The following AKAP6 variants were observed in gnomAD, a reference collection of about 807,000 sequenced individuals.
The protein encoded by AKAP6 is A-kinase anchor protein 6.
Under a neutral mutation model 188.5 loss-of-function variants are expected in AKAP6, and 58 were observed. The ratio of observed to expected loss-of-function variants is 0.31; its 90% confidence interval spans 0.25 to 0.38. The LOEUF is 0.38. AKAP6 is among the 10% of genes least tolerant of loss of function. The pLI, the probability that AKAP6 is intolerant of heterozygous loss-of-function variation, is 1.00. For synonymous variants in AKAP6, 989 were observed against 998.6 expected (o/e 0.99, Z 0.18); for missense variants, 2,710 against 2,740.0 (o/e 0.99, Z 0.24).
At position 32,345,253 on chromosome 14, in the gene AKAP6, A is replaced by G. The variant is rs1007023802; in HGVS notation, c.-35+15845A>G. On this transcript the variant is annotated intron_variant, in intron 1 of 13. Transcript: ENST00000280979. ...AGTTCACACAGTCTATCACATACAC[A>G]GGTGTTAAAATGCTGTATCTAGTTA... Among the ~76,000 whole-genome samples, 44 of 152,204 alleles carry G rather than the reference A, an allele frequency of 2.9e-4. 1 individual carries two copies. Among genetic ancestry groups the G allele is most frequent in the African/African-American group, 1.0e-3 (43 of 41,442 alleles).
intron 2 of AKAP6, among the ~76,000 whole-genome samples, chr14:32,497,424 C>T (rs1880374546): frequency 6.6e-6 from 1 of 151,862 alleles, no homozygotes; most frequent in Non-Finnish European, 1.5e-5. Flanking sequence ...GGGGATTTTC[C>T]AAAAGTCTTT....
intron 5 of AKAP6, among the ~76,000 whole-genome samples, chr14:32,583,443 A>C (rs1482477865): frequency 6.6e-6 from 1 of 152,210 alleles, no homozygotes; most frequent in African/African-American, 2.4e-5. Context: ...GTCAGGGGTC[A>C]GGGACCCATT....
intron 11 of AKAP6, among the ~76,000 whole-genome samples, chr14:32,738,900 A>G (rs917974574): frequency 6.6e-6 from 1 of 152,170 alleles, no homozygotes; most frequent in Non-Finnish European, 1.5e-5. Flanking sequence ...GCTGTGTTCA[A>G]TAAAACTAAT....
chr14:32,821,996 A>G lies in AKAP6; in HGVS notation c.4183A>G (p.Thr1395Ala), dbSNP rs375449015. 4 of 1,613,826 alleles carry G rather than the reference A, an allele frequency of 2.5e-6. No homozygotes were observed. The African/African-American group carries it at 5.3e-5, about 22-fold the overall frequency. ...AVDGSPSNLETEHLDPQMGDA... is the reference protein window; with the variant it reads ...AVDGSPSNLEAEHLDPQMGDA... ...GGATGGGTCCCCAAGTAACCTTGAA[A>G]CTGAACATCTGGACCCACAAATGGG... is the stretch of plus-strand genomic sequence containing the variant. Residue 1395 changes from threonine to alanine, a missense_variant, in exon 13 of 14, where the codon ACT becomes GCT. By Grantham distance (58) the Thr-to-Ala change is moderately conservative. Around this residue, in one of 2 missense-constraint regions of AKAP6, gnomAD observed 2,473 missense variants for 2,426.1 expected, o/e 1.02. Coordinates refer to ENST00000280979, the MANE Select transcript of AKAP6 (RefSeq NM_004274.5).
chr14:32,440,383 G>A (rs1780069758), intron 2 of AKAP6, among the ~76,000 whole-genome samples: 1 of 151,856 alleles, frequency 6.6e-6, no homozygotes, highest in African/African-American at 2.4e-5. Context: ...TAGTGTAAAT[G>A]ACCAGTTAAC....
intron 1 of AKAP6, among the ~76,000 whole-genome samples, chr14:32,347,804 T>C (rs1360395272): frequency 6.6e-6 from 1 of 152,210 alleles, no homozygotes; most frequent in Non-Finnish European, 1.5e-5. Flanking sequence ...TTAATAGTAA[T>C]AGTCCAACGT....
At chr14:32,676,189 G>A (rs1889417596) in intron 7 of AKAP6, among the ~76,000 whole-genome samples, 1 of 152,136 alleles carries the variant, frequency 6.6e-6, no homozygotes, top group Admixed American at 6.5e-5. Context: ...TGGAAGTAAA[G>A]GGGTGGCATT....
intron 1 of AKAP6, among the ~76,000 whole-genome samples, chr14:32,361,239 G>A (rs1887653713): frequency 6.6e-6 from 1 of 151,772 alleles, no homozygotes; most frequent in South Asian, 2.1e-4. Context: ...CAGAGAGAAG[G>A]CAACATTTGA....
chr14:32,823,851 G>C lies in AKAP6; in HGVS notation c.6038G>C (p.Gly2013Ala). Residue 2013 changes from glycine (G) to alanine (A), a missense_variant, in exon 13 of 14, where the codon GGA becomes GCA. Transcript: ENST00000280979. ...KSSDDAPSMA[G>A]KSAGCCLALE... ...TCTGATGATGCACCGAGTATGGCTG[G>C]AAAATCTGCTGGTTGTTGCCTAGCA... is the stretch of plus-strand genomic sequence containing the variant. The C allele has an allele frequency of 6.2e-7, 1 of 1,613,618 alleles. No individual in the cohort carries two copies. Among genetic ancestry groups the C allele is most frequent in the Middle Eastern group, 1.7e-4 (1 of 6,060 alleles).
At chr14:32,432,659 C>T (rs1373405136) in intron 1 of AKAP6, among the ~76,000 whole-genome samples, 1 of 152,220 alleles carries the variant, frequency 6.6e-6, no homozygotes, top group African/African-American at 2.4e-5. Flanking sequence ...GGAGCAACAT[C>T]TCCTGAATTC....
At chr14:32,595,261 A>T (rs1005424020) in intron 5 of AKAP6, among the ~76,000 whole-genome samples, 1 of 151,870 alleles carries the variant, frequency 6.6e-6, no homozygotes, top group South Asian at 2.1e-4. Flanking sequence ...TGACTCTTTC[A>T]TGGTTCTTGG....
intron 2 of AKAP6, among the ~76,000 whole-genome samples, chr14:32,478,423 T>C (rs1879179340): frequency 6.6e-6 from 1 of 151,632 alleles, no homozygotes; most frequent in African/African-American, 2.4e-5. Flanking sequence ...CCAACTGGAG[T>C]CAAGATGTGA....
chr14:32,448,912 G>A (rs569217097), intron 2 of AKAP6, among the ~76,000 whole-genome samples: 2 of 152,132 alleles, frequency 1.3e-5, no homozygotes, highest in East Asian at 3.9e-4. Context: ...GGAGATATTA[G>A]CAATGCATAC....
At position 32,506,912 on chromosome 14, in the gene AKAP6, C is replaced by T. The variant is rs191734869; in HGVS notation, c.325-28642C>T. On this transcript the variant is annotated intron_variant, in intron 2 of 13. Coordinates refer to ENST00000280979, the MANE Select transcript of AKAP6 (RefSeq NM_004274.5). ...GCATGTATAATTATACACATTCATA[C>T]ACACATATACACACACACTTCTTAG... 5.8e-4 allele frequency among the ~76,000 whole-genome samples: 88 copies of T among 152,262 alleles called. 1 individual carries two copies. The East Asian group carries it at 0.014, about 23-fold the overall frequency.
At chr14:32,550,667 A>G (rs1883418778) in intron 4 of AKAP6, among the ~76,000 whole-genome samples, 1 of 152,246 alleles carries the variant, frequency 6.6e-6, no homozygotes, top group African/African-American at 2.4e-5. Context: ...AGTGACCCAG[A>G]GAACCCATTC....
intron 1 of AKAP6, among the ~76,000 whole-genome samples, chr14:32,361,431 C>G (rs1818120350): frequency 6.6e-6 from 1 of 152,110 alleles, no homozygotes; most frequent in South Asian, 2.1e-4. Context: ...CAGTGAAAAA[C>G]AAGTTCAGGA....
rs1444642497 is a variant in AKAP6 at position 32,763,596 on chromosome 14, G to C, written c.3373-10082G>C. 2.0e-5 allele frequency among the ~76,000 whole-genome samples: 3 copies of C among 152,032 alleles called. No homozygotes were observed. In the South Asian group the frequency reaches 6.2e-4, roughly 32 times the overall value. On this transcript the variant is annotated intron_variant, in intron 11 of 13. Transcript: ENST00000280979. ...ATTATTGGTGACCAATTTAATAGAG[G>C]CTTTTAAAAAACAATATTTCTGCCT...
intron 2 of AKAP6, among the ~76,000 whole-genome samples, chr14:32,523,792 A>T (rs749501307): frequency 4.5e-3 from 262 of 58,616 alleles, no homozygotes; most frequent in Non-Finnish European, 6.8e-3. Flanking sequence ...CCTCCTGATT[A>T]AAAAAAAAAA....
chr14:32,808,756 C>G (rs1046445030), intron 12 of AKAP6, among the ~76,000 whole-genome samples: 1 of 152,076 alleles, frequency 6.6e-6, no homozygotes, highest in Non-Finnish European at 1.5e-5. Flanking sequence ...TTTTGTTTCT[C>G]TTTATCTATA....
Sources: allele counts gnomAD v4.1 joint callset (sites outside exome capture counted in the v4.1 genomes callset), GRCh38; gene constraint gnomAD v4.1.1; regional missense constraint gnomAD v4.1.1; transcripts MANE v1.5; gene names NCBI Gene and HGNC (gene_info 2026-07-23, HGNC 2026-07-21).